Variants in THOC5 observed in about 807,000 individuals in gnomAD.
THOC5 encodes the protein THO complex subunit 5, also known as Fms-interacting protein.
THOC5 carries 43 observed loss-of-function variants against 92.9 expected under a neutral mutation model. That is an observed-to-expected ratio of 0.46 (90% CI 0.36 to 0.60). The LOEUF (loss-of-function observed/expected upper bound fraction) is 0.60, where lower values mean the gene tolerates loss of function less well. THOC5 is among the 20% of genes least tolerant of loss of function. THOC5 has a pLI of 0.00. For missense variants in THOC5, 659 were observed against 849.4 expected (o/e 0.78, Z 2.79); for synonymous variants, 296 against 320.1 (o/e 0.92, Z 0.80).
chr22:29,536,424 T>G, intron 7 of THOC5, 200 bp downstream of exon 7: 1 of 540,654 alleles, frequency 1.8e-6, no homozygotes, highest in Non-Finnish European at 3.3e-6. Flanking sequence ...CAGGTCAATG[T>G]GTGTATATAT....
chr22:29,542,515 G>A (rs2063918694), intron 5 of THOC5, among the ~76,000 whole-genome samples: 1 of 152,192 alleles, frequency 6.6e-6, no homozygotes, highest in South Asian at 2.1e-4. Context: ...TGTAATCCCA[G>A]CACTTTGGGA....
intron 2 of THOC5, among the ~76,000 whole-genome samples, chr22:29,548,562 A>T (rs989501643): frequency 3.3e-5 from 5 of 152,110 alleles, no homozygotes; most frequent in Non-Finnish European, 7.4e-5. Flanking sequence ...CTCAAAAAAA[A>T]TTTTTTTTAA....
intron 17 of THOC5, among the ~76,000 whole-genome samples, chr22:29,515,920 G>A (rs188614614): frequency 1.2e-4 from 19 of 152,270 alleles, no homozygotes; most frequent in African/African-American, 4.6e-4. Context: ...GAAAGGCCAG[G>A]AGTTTGAGAC....
At chr22:29,538,420 C>T (rs1250133795) in intron 6 of THOC5, among the ~76,000 whole-genome samples, 1 of 152,100 alleles carries the variant, frequency 6.6e-6, no homozygotes, top group Non-Finnish European at 1.5e-5. Flanking sequence ...AAGCTTTCTG[C>T]CATAGGCATA....
At chr22:29,531,268 G>A (rs2063650228) in intron 8 of THOC5, 6 of 985,222 alleles carry the variant, frequency 6.1e-6, no homozygotes, top group Middle Eastern at 5.2e-4. Flanking sequence ...TGGGGTGGGG[G>A]AGAAAATGTA....
chr22:29,542,151 G>T (rs1224170902), intron 5 of THOC5, among the ~76,000 whole-genome samples: 2 of 151,850 alleles, frequency 1.3e-5, no homozygotes, highest in Non-Finnish European at 2.9e-5. Context: ...AGGTTCCAAA[G>T]AATAAAATCC....
chr22:29,525,490 G>A (rs2063525031), intron 12 of THOC5, among the ~76,000 whole-genome samples: 1 of 152,054 alleles, frequency 6.6e-6, no homozygotes, highest in African/African-American at 2.4e-5. Flanking sequence ...GGGAAAGAGT[G>A]GCCTGAATTT....
At chr22:29,544,106 T>C (rs1042288671) in intron 3 of THOC5, among the ~76,000 whole-genome samples, 2 of 152,206 alleles carry the variant, frequency 1.3e-5, no homozygotes, top group Non-Finnish European at 2.9e-5. Context: ...GATAATTTCA[T>C]TTTTGGTATC....
rs1175501916 is a variant in THOC5, at chr22:29,506,717, T to G, written c.*1740A>C. The G allele has an allele frequency of 6.6e-6, 1 of 152,296 alleles. No individual in the cohort carries two copies. The highest frequency in any genetic ancestry group is 1.5e-5 in the Non-Finnish European group (1 of 68,084). The allele number at this position is 152,296 out of a possible 1,614,324, so 9.4% of individuals were successfully genotyped here. A position where few individuals can be genotyped will look rare whatever the true frequency, so the allele number is the denominator to read the frequency against. On this transcript the variant is annotated 3_prime_UTR_variant, in exon 20 of 20. Transcript: ENST00000490103. The stretch of plus-strand genomic sequence containing the variant: ...CTCCTCAAATGTTACCTGGTCTCAC[T>G]GTCCTGTATCTCTGTATGTGATTGA...
chr22:29,543,265 T>C, intron 4 of THOC5, 164 bp downstream of exon 4: 1 of 596,412 alleles, frequency 1.7e-6, no homozygotes. Context: ...GGAGAATCGC[T>C]TGAAGCTGGG....
intron 4 of THOC5, 54 bp downstream of exon 4, chr22:29,543,375 A>C: frequency 5.1e-6 from 5 of 981,698 alleles, no homozygotes; most frequent in Non-Finnish European, 7.7e-6. Context: ...AAAAAAAAGA[A>C]GGGGATGGGG....
rs746158217 is a variant in THOC5, at chr22:29,508,531, AG to A, written c.1989-12del. Reference sequence around the variant, plus strand: ...ATCCTGCTAGGACCCCTAGAGAAATAGGAGAACGGAGTTGTTAATAACACAC... The same window carrying A: ...ATCCTGCTAGGACCCCTAGAGAAATAGAGAACGGAGTTGTTAATAACACAC... On this transcript the variant is annotated splice_polypyrimidine_tract_variant and intron_variant, in intron 19 of 19. Coordinates refer to ENST00000490103, the MANE Select transcript of THOC5 (RefSeq NM_003678.5). 6.2e-7 allele frequency: 1 copy of A among 1,610,026 alleles called. No individual in the cohort carries two copies. Among genetic ancestry groups the A allele is most frequent in the South Asian group, 1.1e-5 (1 of 90,982 alleles).
Position 29,549,057 on chromosome 22 carries a change from C to T in THOC5, c.91G>A (p.Glu31Lys), listed in dbSNP as rs761423844. Residue 31 changes from glutamate (E) to lysine (K), a missense_variant, in exon 2 of 20, where the codon GAG becomes AAG. Transcript: ENST00000490103. ...AEGKRNRSDT[E>K]QEGKYYSEEA... Reference sequence around the variant, plus strand: ...GCAACCCTGACTGATCTCACCTGCTCGGTGTCAGATCGATTCCGCTTTCCT... The same window carrying T: ...GCAACCCTGACTGATCTCACCTGCTTGGTGTCAGATCGATTCCGCTTTCCT... 6 of 1,613,990 alleles carry T rather than the reference C, an allele frequency of 3.7e-6. No homozygotes were observed. The highest frequency in any genetic ancestry group is 1.7e-5 in the Admixed American group (1 of 60,012).
At chr22:29,540,681 A>C (rs773547913) in intron 5 of THOC5, among the ~76,000 whole-genome samples, 5 of 152,168 alleles carry the variant, frequency 3.3e-5, no homozygotes, top group Non-Finnish European at 5.9e-5. Context: ...TACCTTTTTA[A>C]TTTGGAAATA....
chr22:29,543,430 T>G lies in THOC5; in HGVS notation c.353A>C (p.Glu118Ala). ...AAAATTAAACCTTTTAACTACTACCTCGTGGGTCTGATCTCTTCCTTTCTT... is the reference window on the plus strand; with the variant it reads ...AAAATTAAACCTTTTAACTACTACCGCGTGGGTCTGATCTCTTCCTTTCTT... Reference protein sequence around the residue: ...RLKKGRDQTHEAKQKVDAYHL... With the variant: ...RLKKGRDQTHAAKQKVDAYHL... The change falls in exon 4 of 20, where the codon GAG (glutamate) becomes GCG (alanine). Residue 118 changes from glutamate to alanine, a missense_variant and splice_region_variant. Coordinates refer to ENST00000490103, the MANE Select transcript of THOC5 (RefSeq NM_003678.5). The G allele has an allele frequency of 6.2e-7, 1 of 1,604,264 alleles. No homozygotes were observed. Among genetic ancestry groups the G allele is most frequent in the Non-Finnish European group, 8.5e-7 (1 of 1,173,728 alleles).
chr22:29,520,236 G>C, intron 13 of THOC5, 132 bp from the exon 14 acceptor site: 1 of 673,012 alleles, frequency 1.5e-6, no homozygotes, highest in Non-Finnish European at 2.5e-6. Context: ...TCACAGCCAG[G>C]CTGCTGGCAA....
rs2063387713 is a variant in THOC5, at chr22:29,519,094, C to T, written c.1401G>A (p.Leu467=). ...TGGTGGTCTCCATGTGGCTGGCGCT[C>T]AGCGAGTGGTCAGCAATCACTGTTT... ...PQQTVIADHS[L]SASHMETTMK... Residue 467 remains leucine, a synonymous_variant, in exon 15 of 20, where the codon CTG becomes CTA. Coordinates refer to ENST00000490103, the MANE Select transcript of THOC5 (RefSeq NM_003678.5). 3.1e-6 allele frequency: 5 copies of T among 1,611,292 alleles called. No individual in the cohort carries two copies. The South Asian group carries it at 5.5e-5, about 18-fold the overall frequency.
intron 19 of THOC5, among the ~76,000 whole-genome samples, chr22:29,509,729 G>T (rs1478258189): frequency 2.2e-5 from 3 of 136,060 alleles, no homozygotes; most frequent in African/African-American, 8.2e-5. Flanking sequence ...TAAGGGAGAG[G>T]TAAGGCACTG....
At chr22:29,542,132 A>C (rs2063909932) in intron 5 of THOC5, among the ~76,000 whole-genome samples, 1 of 151,976 alleles carries the variant, frequency 6.6e-6, no homozygotes, top group Non-Finnish European at 1.5e-5. Flanking sequence ...GCTAAGCAGC[A>C]AGAAATTCAG....
Sources: allele counts gnomAD v4.1 joint callset (sites outside exome capture counted in the v4.1 genomes callset), GRCh38; gene constraint gnomAD v4.1.1; transcripts MANE v1.5; gene names NCBI Gene and HGNC (gene_info 2026-07-23, HGNC 2026-07-21).